ABCF1: variants seen among roughly 807,000 people sequenced by gnomAD.
The protein encoded by ABCF1 is ATP binding cassette subfamily F member 1.
Under a neutral mutation model 126.3 loss-of-function variants are expected in ABCF1, and 73 were observed. The observed-to-expected ratio is 0.58, with a 90% CI of 0.48 to 0.70. The LOEUF (loss-of-function observed/expected upper bound fraction) is 0.70. Among genes scored for constraint, ABCF1 ranks in the 30% least tolerant of loss-of-function variants. ABCF1 has a pLI of 0.00. For synonymous variants in ABCF1, 345 were observed against 396.4 expected (o/e 0.87, Z 1.54); for missense variants, 786 against 1,057.5 (o/e 0.74, Z 3.56).
intron 1 of ABCF1, among the ~76,000 whole-genome samples, chr6:30,572,033 G>GAGCAAGAGTGTAGATTTTTGA (rs1801279401): frequency 1.3e-5 from 2 of 152,224 alleles, no homozygotes; most frequent in East Asian, 3.9e-4. Context: ...CACTCAACTG[G>GAGCAAGAGTGTAGATTTTTGA]AGCAAGAGTG....
Position 30,586,056 on chromosome 6 carries a change from A to C in ABCF1, c.1713+65A>C. 6.3e-7 allele frequency: 1 copy of C among 1,591,124 alleles called. No individual in the cohort carries two copies. ...CTCTCCTGGCAGTGGAGGAAGAAGG[A>C]GACTCTGGAACGCTGGCCTACATTT... On this transcript the variant is annotated intron_variant, in intron 17 of 24. Coordinates refer to ENST00000326195, the MANE Select transcript of ABCF1 (RefSeq NM_001025091.2). The surrounding 1 kb of genome is among the most constrained non-coding windows in gnomAD (Gnocchi z 4.9).
chr6:30,589,098 A>G (rs1006732076), intron 20 of ABCF1, among the ~76,000 whole-genome samples: 18 of 152,208 alleles, frequency 1.2e-4, no homozygotes, highest in African/African-American at 4.3e-4. Flanking sequence ...TCCTGGGTTA[A>G]AACCATTCTT....
In ABCF1 at chr6:30,583,791, C is replaced by A; in HGVS notation, c.1017-14C>A. 6.2e-7 allele frequency: 1 copy of A among 1,614,038 alleles called. No homozygotes were observed. Among genetic ancestry groups the A allele is most frequent in the South Asian group, 1.1e-5 (1 of 91,078 alleles). On this transcript the variant is annotated splice_polypyrimidine_tract_variant and intron_variant, in intron 11 of 24. Coordinates refer to ENST00000326195, the MANE Select transcript of ABCF1 (RefSeq NM_001025091.2). This position sits in a 1 kb window ranked among gnomAD's most constrained non-coding sequence, Gnocchi z 4.1. ...CTCAGTGGTGGCCAGGTCCTAATAG[C>A]TTTTATTCCCCAGCAAGGGCAAGAC...
At position 30,584,105 on chromosome 6, in the gene ABCF1, A is replaced by G; in HGVS notation, c.1103-87A>G. The G allele has an allele frequency of 3.3e-6, 5 of 1,538,026 alleles. No homozygotes were observed. In the South Asian group the frequency reaches 5.0e-5, roughly 15 times the overall value. On this transcript the variant is annotated intron_variant, in intron 12 of 24. Transcript: ENST00000326195. This position sits in a 1 kb window ranked among gnomAD's most constrained non-coding sequence, Gnocchi z 4.6. ...CAAGTACAAAGAGCTGGGCAGGGTC[A>G]GGCAAAACAGAAATGTAATTGAAGG...
At chr6:30,579,864 T>G (rs1801713151) in intron 6 of ABCF1, 67 bp from the exon 7 acceptor site, 1 of 1,517,342 alleles carries the variant, frequency 6.6e-7, no homozygotes, top group African/African-American at 1.4e-5. Flanking sequence ...TAGAAATGCT[T>G]ATTACACAGC....
At position 30,590,287 on chromosome 6, in the gene ABCF1, T is replaced by C; in HGVS notation, c.2299-19T>C. 1 of 1,612,062 alleles carries C rather than the reference T, an allele frequency of 6.2e-7. No individual in the cohort carries two copies. Among genetic ancestry groups the C allele is most frequent in the Non-Finnish European group, 8.5e-7 (1 of 1,179,254 alleles). On this transcript the variant is annotated intron_variant, in intron 23 of 24. Transcript: ENST00000326195. ...AGACGGGAGTTGCAGTGCTCAGTCA[T>C]GGAATTCCTCCTATGTAGGACGAGC... is the stretch of plus-strand genomic sequence containing the variant.
chr6:30,576,003 A>G (rs1801476880), intron 1 of ABCF1, among the ~76,000 whole-genome samples: 1 of 151,060 alleles, frequency 6.6e-6, no homozygotes, highest in African/African-American at 2.4e-5. Context: ...AAGCCTAGGA[A>G]TTTAAGGTTA....
rs747734836 is a variant in ABCF1 at position 30,583,144 on chromosome 6, A to C, written c.871A>C (p.Met291Leu). 2 of 1,611,358 alleles carry C rather than the reference A, an allele frequency of 1.2e-6. No individual in the cohort carries two copies. The highest frequency in any genetic ancestry group is 1.7e-6 in the Non-Finnish European group (2 of 1,178,602). The change falls in exon 10 of 25, where the codon ATG (methionine) becomes CTG (leucine). Residue 291 changes from methionine (M) to leucine (L), a missense_variant. This residue lies in a region of ABCF1 where 163 missense variants were observed against 255.3 expected (regional missense o/e 0.64). Transcript: ENST00000326195. The surrounding 1 kb of genome is among the most constrained non-coding windows in gnomAD (Gnocchi z 4.1). ...TGACTTCTCCGTGTCCCAGGCGGAG[A>C]TGTCCTCCCGCCAAGCCATGTTAGA... ...ENDFSVSQAE[M>L]SSRQAMLENA...
In ABCF1 at chr6:30,590,859, A is replaced by C; in HGVS notation, c.*158A>C. The stretch of plus-strand genomic sequence containing the variant: ...GTGACCTTGATGTGACCGGGATCCC[A>C]CTCTGATTGCATCCATTTCTCTGAA... On this transcript the variant is annotated 3_prime_UTR_variant, in exon 25 of 25. Coordinates refer to ENST00000326195, the MANE Select transcript of ABCF1 (RefSeq NM_001025091.2). 1.5e-6 allele frequency: 1 copy of C among 669,206 alleles called. No individual in the cohort carries two copies. The highest frequency in any genetic ancestry group is 2.5e-5 in the South Asian group (1 of 39,512). 41.5% of individuals were successfully genotyped at this position (669,206 alleles called of 1,614,324 possible).
chr6:30,578,011 CTG>C, intron 3 of ABCF1, 63 bp from the exon 4 acceptor site: 1 of 1,613,762 alleles, frequency 6.2e-7, no homozygotes. Context: ...GGGGAACCCT[CTG>C]TGAGGCAGAA....
At chr6:30,575,071 C>CTTTTTT (rs958476559) in intron 1 of ABCF1, among the ~76,000 whole-genome samples, 1 of 129,806 alleles carries the variant, frequency 7.7e-6, no homozygotes, top group Non-Finnish European at 1.7e-5. Flanking sequence ...GACTTTTTTT[C>CTTTTTT]TTTTTTTTTT....
chr6:30,589,679 C>G lies in ABCF1; in HGVS notation c.2032-9C>G. 1.2e-6 allele frequency: 2 copies of G among 1,613,878 alleles called. No homozygotes were observed. The highest frequency in any genetic ancestry group is 1.7e-6 in the Non-Finnish European group (2 of 1,180,028). ...GCCCTCCTCTTAACTACTTTGTCTT[C>G]CCTTGCAGACCCATGGGGAAATGAG... On this transcript the variant is annotated splice_polypyrimidine_tract_variant and intron_variant, in intron 20 of 24. Coordinates refer to ENST00000326195, the MANE Select transcript of ABCF1 (RefSeq NM_001025091.2).
At chr6:30,576,075 T>TAA (rs35364261) in intron 1 of ABCF1, among the ~76,000 whole-genome samples, 48 of 120,794 alleles carry the variant, frequency 4.0e-4, no homozygotes, top group African/African-American at 7.3e-4. Flanking sequence ...CCCTGTCTCT[T>TAA]AAAAAAAAAA....
chr6:30,589,097 A>G (rs1444826684), intron 20 of ABCF1, among the ~76,000 whole-genome samples: 1 of 152,048 alleles, frequency 6.6e-6, no homozygotes, highest in East Asian at 1.9e-4. Flanking sequence ...CTCCTGGGTT[A>G]AAACCATTCT....
Position 30,589,887 on chromosome 6 carries a change from A to C in ABCF1, c.2146A>C (p.Asn716His). The change falls in exon 22 of 25, where the codon AAC (asparagine) becomes CAC (histidine). Residue 716 changes from asparagine to histidine, a missense_variant. Around this residue, in one of 4 missense-constraint regions of ABCF1, gnomAD observed 288 missense variants for 423.5 expected, o/e 0.68. Coordinates refer to ENST00000326195, the MANE Select transcript of ABCF1 (RefSeq NM_001025091.2). ...CACTGAGTACCTGCAGCGGGGCTTCAACCTGCCCTACCAGGATGCCCGCAA... is the reference window on the plus strand; with the variant it reads ...CACTGAGTACCTGCAGCGGGGCTTCCACCTGCCCTACCAGGATGCCCGCAA... Reference protein sequence around the residue: ...TPTEYLQRGFNLPYQDARKCL... With the variant: ...TPTEYLQRGFHLPYQDARKCL... 6.2e-7 allele frequency: 1 copy of C among 1,614,200 alleles called. No homozygotes were observed. The highest frequency in any genetic ancestry group is 8.5e-7 in the Non-Finnish European group (1 of 1,180,044).
intron 20 of ABCF1, among the ~76,000 whole-genome samples, chr6:30,588,516 C>T (rs1288019080): frequency 6.6e-6 from 1 of 152,002 alleles, no homozygotes; most frequent in African/African-American, 2.4e-5. Flanking sequence ...CGCGTGCTAC[C>T]ACGCCCAGCT....
In ABCF1 at chr6:30,574,611, A is replaced by G. The variant is rs1398381031; in HGVS notation, c.74-2798A>G. Among the ~76,000 whole-genome samples the G allele has an allele frequency of 1.3e-5, 2 of 152,188 alleles. No individual in the cohort carries two copies. Among genetic ancestry groups the G allele is most frequent in the African/African-American group, 4.8e-5 (2 of 41,442 alleles). The stretch of plus-strand genomic sequence containing the variant: ...ATGCCTTTAGGATTAAACTCCTTGG[A>G]ATAGCATATAAAGCCTTTTATTATT... On this transcript the variant is annotated intron_variant, in intron 1 of 24. Transcript: ENST00000326195. The surrounding 1 kb of genome is among the most constrained non-coding windows in gnomAD (Gnocchi z 4.3).
chr6:30,583,756 G>A lies in ABCF1; in HGVS notation c.1016+48G>A. 6.2e-7 allele frequency: 1 copy of A among 1,613,782 alleles called. No individual in the cohort carries two copies. The highest frequency in any genetic ancestry group is 8.5e-7 in the Non-Finnish European group (1 of 1,179,700). ...GGCAAAAAAGGGCCTGGAGGGAAAA[G>A]AAGAGATTTCTCAGTGGTGGCCAGG... On this transcript the variant is annotated intron_variant, in intron 11 of 24. Coordinates refer to ENST00000326195, the MANE Select transcript of ABCF1 (RefSeq NM_001025091.2). The surrounding 1 kb of genome is among the most constrained non-coding windows in gnomAD (Gnocchi z 4.1).
chr6:30,589,211 C>G (rs987236258), intron 20 of ABCF1, among the ~76,000 whole-genome samples: 1 of 151,998 alleles, frequency 6.6e-6, no homozygotes, highest in African/African-American at 2.4e-5. Context: ...GTTGGCCAGC[C>G]TGGTCTCAAA....
Sources: allele counts gnomAD v4.1 joint callset (sites outside exome capture counted in the v4.1 genomes callset), GRCh38; gene constraint gnomAD v4.1.1; regional missense constraint gnomAD v4.1.1; non-coding constraint Gnocchi (gnomAD v3.1); transcripts MANE v1.5; gene names NCBI Gene and HGNC (gene_info 2026-07-23, HGNC 2026-07-21).